PDS5A: variants seen among roughly 807,000 people sequenced by gnomAD.
The protein encoded by PDS5A is PDS5 cohesin associated factor A, also known as sister chromatid cohesion protein PDS5 homolog A.
Under a neutral mutation model 167.1 loss-of-function variants are expected in PDS5A, and 42 were observed. The observed-to-expected ratio is 0.25, with a 90% confidence interval of 0.20 to 0.33. The LOEUF is 0.33. PDS5A is among the 10% of genes least tolerant of loss of function. The pLI, the probability that PDS5A is intolerant of heterozygous loss-of-function variation, is 1.00. For synonymous variants in PDS5A, 553 were observed against 554.6 expected (o/e 1.00, Z 0.04); for missense variants, 1,033 against 1,605.9 (o/e 0.64, Z 6.10).
At chr4:39,909,102 C>T (rs1439606865) in intron 10 of PDS5A, among the ~76,000 whole-genome samples, 2 of 92,052 alleles carry the variant, frequency 2.2e-5, no homozygotes, top group Non-Finnish European at 5.8e-5. Flanking sequence ...AAATACTTCA[C>T]AGTTACATCT....
chr4:39,841,388 CA>C (rs1716997518), intron 31 of PDS5A, among the ~76,000 whole-genome samples: 1 of 152,182 alleles, frequency 6.6e-6, no homozygotes, highest in Admixed American at 6.5e-5. Flanking sequence ...CCACCCGCTT[CA>C]GCCTCCCAAA....
At chr4:39,878,012 C>T (rs539020513) in intron 18 of PDS5A, among the ~76,000 whole-genome samples, 26 of 152,228 alleles carry the variant, frequency 1.7e-4, no homozygotes, top group Admixed American at 1.3e-3. Context: ...AACACCAGCA[C>T]GAGCCTGTCC....
At position 39,848,489 on chromosome 4, in the gene PDS5A, G is replaced by C. The variant is rs777752569; in HGVS notation, c.3339+362C>G. 251 of 215,246 alleles carry C rather than the reference G, an allele frequency of 1.2e-3. 1 individual carries two copies. The highest frequency in any genetic ancestry group is 1.3e-3 in the Non-Finnish European group (145 of 107,724). The allele number at this position is 215,246 out of a possible 1,614,324, so 13.3% of individuals were successfully genotyped here. A position where few individuals can be genotyped will look rare whatever the true frequency, so the allele number is the denominator to read the frequency against. On this transcript the variant is annotated intron_variant, in intron 28 of 32. Transcript: ENST00000303538. ...TTAACATCTGCATTATAAAGATGAA[G>C]AAATGGAGGCTTAGAGGAGAGAACC...
At chr4:39,920,068 G>A (rs183326183) in intron 7 of PDS5A, among the ~76,000 whole-genome samples, 14 of 152,180 alleles carry the variant, frequency 9.2e-5, no homozygotes, top group Admixed American at 9.2e-4. Context: ...ATATCTGGGA[G>A]ACAATGAAAT....
chr4:39,917,619 G>A (rs1046171880), intron 7 of PDS5A, among the ~76,000 whole-genome samples: 1 of 151,952 alleles, frequency 6.6e-6, no homozygotes, highest in Admixed American at 6.6e-5. Context: ...CTGTCACCCA[G>A]GCTAGAGTAC....
At chr4:39,897,758 C>T (rs554574636) in intron 16 of PDS5A, among the ~76,000 whole-genome samples, 21 of 151,706 alleles carry the variant, frequency 1.4e-4, no homozygotes, top group Admixed American at 5.3e-4. Flanking sequence ...TCTAGCTATT[C>T]AGAAGGCTGG....
intron 8 of PDS5A, among the ~76,000 whole-genome samples, chr4:39,914,497 G>A (rs1578731865): frequency 6.6e-6 from 1 of 152,078 alleles, no homozygotes; most frequent in East Asian, 1.9e-4. Flanking sequence ...CCTACGACTG[G>A]AGAATACGAC....
chr4:39,916,668 C>A (rs1302357581), intron 8 of PDS5A, among the ~76,000 whole-genome samples: 1 of 152,042 alleles, frequency 6.6e-6, no homozygotes, highest in South Asian at 2.1e-4. Flanking sequence ...GAGATTGAGA[C>A]CAGCCTGGCC....
intron 26 of PDS5A, among the ~76,000 whole-genome samples, chr4:39,853,138 G>C (rs1718255054): frequency 6.6e-6 from 1 of 152,102 alleles, no homozygotes; most frequent in South Asian, 2.1e-4. Context: ...ATAAGATCCT[G>C]CTATGTTGTT....
At position 39,848,984 on chromosome 4, in the gene PDS5A, C is replaced by T. The variant is rs180792852; in HGVS notation, c.3220-14G>A. The T allele has an allele frequency of 1.2e-4, 190 of 1,543,132 alleles. No homozygotes were observed. The East Asian group carries it at 2.4e-3, about 20-fold the overall frequency. On this transcript the variant is annotated splice_polypyrimidine_tract_variant and intron_variant, in intron 27 of 32. Transcript: ENST00000303538. ...TGTATACAGTTTCTAGGGAGGAAAA[C>T]GAATCATATATAACTTTTAGTATTG...
At position 39,900,522 on chromosome 4, in the gene PDS5A, A is replaced by G. The variant is rs1450294338; in HGVS notation, c.1500-15T>C. On this transcript the variant is annotated splice_polypyrimidine_tract_variant and intron_variant, in intron 13 of 32. Transcript: ENST00000303538. ...CGTTGAGAGCTCTGTAAAGTTATGA[A>G]TATGAAAACACACATTACATAACAA... 15 of 1,501,014 alleles carry G rather than the reference A, an allele frequency of 1.0e-5. No individual in the cohort carries two copies. Among genetic ancestry groups the G allele is most frequent in the Non-Finnish European group, 1.3e-5 (14 of 1,095,620 alleles). The allele number at this position is 1,501,014 out of a possible 1,614,324, so 93.0% of individuals were successfully genotyped here. A position where few individuals can be genotyped will look rare whatever the true frequency, so the allele number is the denominator to read the frequency against.
chr4:39,976,377 G>A (rs1731082104), intron 2 of PDS5A, 63 bp downstream of exon 2: 3 of 1,441,914 alleles, frequency 2.1e-6, no homozygotes, highest in Non-Finnish European at 9.7e-7. Context: ...ACTGAGCAGG[G>A]TAGCAGTATC....
intron 28 of PDS5A, chr4:39,847,414 C>T (rs1195868912): frequency 6.6e-6 from 1 of 151,974 alleles, no homozygotes; most frequent in Non-Finnish European, 1.5e-5. Context: ...TGAGGCCTGG[C>T]CAACATGATG....
chr4:39,955,151 G>C (rs1469618814), intron 2 of PDS5A, among the ~76,000 whole-genome samples: 1 of 152,068 alleles, frequency 6.6e-6, no homozygotes, highest in African/African-American at 2.4e-5. Flanking sequence ...CCAAAATTAG[G>C]AATATTAAAG....
rs150269063 is a variant in PDS5A at position 39,901,817 on chromosome 4, T to C, written c.1499+530A>G. Among the ~76,000 whole-genome samples the C allele has an allele frequency of 4.6e-3, 705 of 152,208 alleles. 8 individuals are homozygous for C. The highest frequency in any genetic ancestry group is 0.016 in the African/African-American group (665 of 41,556). On this transcript the variant is annotated intron_variant, in intron 13 of 32. Coordinates refer to ENST00000303538, the MANE Select transcript of PDS5A (RefSeq NM_001100399.2). The stretch of plus-strand genomic sequence containing the variant: ...ATACGATGGTGTACAACATAATATA[T>C]GTATATATTGTAACATTTACTTTAA...
intron 20 of PDS5A, 89 bp from the exon 21 acceptor site, chr4:39,873,233 G>A: frequency 1.4e-6 from 1 of 703,022 alleles, no homozygotes. Context: ...GAGTCCTCCT[G>A]AATTTACCAT....
At chr4:39,937,689 A>G (rs1020850482) in intron 2 of PDS5A, among the ~76,000 whole-genome samples, 13 of 152,128 alleles carry the variant, frequency 8.5e-5, no homozygotes, top group Admixed American at 2.0e-4. Flanking sequence ...AAAGTGGTGT[A>G]AGCCACTGTG....
Position 39,825,366 on chromosome 4 carries a change from A to T in PDS5A, c.*119T>A, listed in dbSNP as rs563493677. The T allele has an allele frequency of 1.3e-5, 9 of 713,392 alleles. No homozygotes were observed. Among genetic ancestry groups the T allele is most frequent in the Non-Finnish European group, 1.9e-5 (8 of 423,680 alleles). The allele number at this position is 713,392 out of a possible 1,614,324, so 44.2% of individuals were successfully genotyped here. A position where few individuals can be genotyped will look rare whatever the true frequency, so the allele number is the denominator to read the frequency against. On this transcript the variant is annotated 3_prime_UTR_variant, in exon 33 of 33. Transcript: ENST00000303538. Reference sequence around the variant, plus strand: ...AGTCTCTTTAGTTTTCAAGGCAGAGAGTGTGTGTTCTGAAGTGAGCTTCAT... The same window carrying T: ...AGTCTCTTTAGTTTTCAAGGCAGAGTGTGTGTGTTCTGAAGTGAGCTTCAT...
intron 2 of PDS5A, among the ~76,000 whole-genome samples, chr4:39,932,147 C>T (rs151036680): frequency 1.1e-4 from 16 of 152,302 alleles, no homozygotes; most frequent in Non-Finnish European, 2.1e-4. Context: ...CCTGCCTCAG[C>T]CTCCCCAAAT....
Sources: allele counts gnomAD v4.1 joint callset (sites outside exome capture counted in the v4.1 genomes callset), GRCh38; gene constraint gnomAD v4.1.1; transcripts MANE v1.5; gene names NCBI Gene and HGNC (gene_info 2026-07-23, HGNC 2026-07-21).